The following SDK1 variants were observed in gnomAD, a reference collection of about 807,000 sequenced individuals.
SDK1 encodes sidekick cell adhesion molecule 1.
A neutral mutation model predicts 245.5 loss-of-function variants in SDK1; 157 were observed. The ratio of observed to expected loss-of-function variants is 0.64; its 90% confidence interval spans 0.56 to 0.73. SDK1 has a LOEUF of 0.73. Among genes scored for constraint, SDK1 ranks in the 30% least tolerant of loss-of-function variants. SDK1 has a pLI of 0.00. For synonymous variants in SDK1, 1,647 were observed against 1,278.5 expected (o/e 1.29, Z -6.15); for missense variants, 3,583 against 3,002.3 (o/e 1.19, Z -4.52).
chr7:3,991,816 C>A (rs986033750), intron 14 of SDK1, among the ~76,000 whole-genome samples: 1 of 152,184 alleles, frequency 6.6e-6, no homozygotes. Flanking sequence ...CTGGTTGGTC[C>A]GTGTCTTCCT....
intron 4 of SDK1, among the ~76,000 whole-genome samples, chr7:3,661,170 C>G (rs1039880861): frequency 4.6e-5 from 7 of 152,218 alleles, no homozygotes; most frequent in African/African-American, 1.4e-4. Context: ...AATCCTGTAT[C>G]ACACCAAGTA....
intron 1 of SDK1, among the ~76,000 whole-genome samples, chr7:3,384,567 C>A (rs1329985432): frequency 1.3e-5 from 2 of 150,300 alleles, no homozygotes; most frequent in Non-Finnish European, 3.0e-5. Context: ...ACAGACATTT[C>A]CACTCTTGTT....
intron 5 of SDK1, among the ~76,000 whole-genome samples, chr7:3,850,273 A>G (rs12540101): frequency 0.25 from 37,577 of 152,128 alleles, 5,027 homozygotes; most frequent in Middle Eastern, 0.36. Flanking sequence ...CAGCAATGCT[A>G]TGTATCTCAT....
intron 1 of SDK1, among the ~76,000 whole-genome samples, chr7:3,466,500 T>G (rs962085850): frequency 2.7e-5 from 4 of 148,686 alleles, no homozygotes; most frequent in Non-Finnish European, 3.0e-5. Flanking sequence ...TTGTGTGTTG[T>G]CAGTTGGAGA....
At chr7:3,424,093 G>A (rs919532971) in intron 1 of SDK1, among the ~76,000 whole-genome samples, 2 of 152,034 alleles carry the variant, frequency 1.3e-5, no homozygotes, top group African/African-American at 4.8e-5. Flanking sequence ...TGTATTTTTA[G>A]TAGAGATGGG....
chr7:3,608,626 T>C (rs1198374960), intron 1 of SDK1, among the ~76,000 whole-genome samples: 1 of 143,138 alleles, frequency 7.0e-6, no homozygotes, highest in Non-Finnish European at 1.5e-5. Flanking sequence ...ATTTGTGATA[T>C]TTTTTACATT....
Position 4,077,120 on chromosome 7 carries a change from G to A in SDK1, c.3133G>A (p.Val1045Met), listed in dbSNP as rs767644305. 42 of 1,614,092 alleles carry A rather than the reference G, an allele frequency of 2.6e-5. No individual in the cohort carries two copies. Among genetic ancestry groups the A allele is most frequent in the African/African-American group, 5.3e-5 (4 of 74,930 alleles). Residue 1045 changes from valine to methionine, a missense_variant, in exon 21 of 45, where the codon GTG (valine) becomes ATG (methionine). Physicochemically the swap from Val to Met is conservative, Grantham distance 21. Coordinates refer to ENST00000404826, the MANE Select transcript of SDK1 (RefSeq NM_152744.4). Reference sequence around the variant, plus strand: ...ATCTCTCACCACCTACACCATCGACGTGGCCGCTGTGACTGCCGTGGGCAC... The same window carrying A: ...ATCTCTCACCACCTACACCATCGACATGGCCGCTGTGACTGCCGTGGGCAC... The part of the protein sequence containing the change: ...LSSLTTYTID[V>M]AAVTAVGTGL...
intron 1 of SDK1, among the ~76,000 whole-genome samples, chr7:3,523,405 G>A (rs916236389): frequency 2.6e-5 from 4 of 152,070 alleles, no homozygotes; most frequent in Admixed American, 6.6e-5. Context: ...AGTCTACCAC[G>A]GGTCCAGCGA....
chr7:4,073,050 G>C (rs1050906159), intron 20 of SDK1, among the ~76,000 whole-genome samples: 2 of 152,198 alleles, frequency 1.3e-5, no homozygotes, highest in Non-Finnish European at 2.9e-5. Context: ...ATTTACTTTA[G>C]ATCAACAGAA....
At chr7:4,084,185 C>T (rs958964035) in intron 22 of SDK1, among the ~76,000 whole-genome samples, 2 of 152,212 alleles carry the variant, frequency 1.3e-5, no homozygotes, top group African/African-American at 4.8e-5. Context: ...ATGCTTAATT[C>T]TTTTCCCTTA....
At chr7:3,613,711 A>G (rs1364596603) in intron 1 of SDK1, among the ~76,000 whole-genome samples, 1 of 152,232 alleles carries the variant, frequency 6.6e-6, no homozygotes, top group East Asian at 1.9e-4. Flanking sequence ...AATAGCAATG[A>G]CATGGAATCA....
chr7:3,310,989 T>TACAA (rs1779535780), intron 1 of SDK1, among the ~76,000 whole-genome samples: 2 of 152,154 alleles, frequency 1.3e-5, no homozygotes, highest in Admixed American at 6.5e-5. Context: ...ATGCATCCAG[T>TACAA]AAGTGTTAGG....
chr7:3,758,294 G>A (rs1583382795), intron 4 of SDK1, among the ~76,000 whole-genome samples: 1 of 152,008 alleles, frequency 6.6e-6, no homozygotes, highest in South Asian at 2.1e-4. Flanking sequence ...ATGTTCTAAC[G>A]GTGATTTTTC....
At chr7:3,691,140 T>C (rs1043899926) in intron 4 of SDK1, among the ~76,000 whole-genome samples, 4 of 152,234 alleles carry the variant, frequency 2.6e-5, no homozygotes, top group African/African-American at 4.8e-5. Flanking sequence ...ACACCAATGT[T>C]TCATTCCTTA....
At chr7:3,489,081 G>C (rs552306856) in intron 1 of SDK1, among the ~76,000 whole-genome samples, 30 of 152,112 alleles carry the variant, frequency 2.0e-4, no homozygotes, top group Non-Finnish European at 4.1e-4. Flanking sequence ...GCCAGTCCAG[G>C]CTAGCGATAC....
Position 4,146,947 on chromosome 7 carries a change from T to C in SDK1, c.4423+1031T>C, listed in dbSNP as rs367971205. 2.5e-3 allele frequency among the ~76,000 whole-genome samples: 380 copies of C among 152,308 alleles called. 16 individuals are homozygous for C. The South Asian group carries it at 0.074, about 30-fold the overall frequency. On this transcript the variant is annotated intron_variant, in intron 29 of 44. Coordinates refer to ENST00000404826, the MANE Select transcript of SDK1 (RefSeq NM_152744.4). Reference sequence around the variant, plus strand: ...TCCCCTCTGACACCACGAGGCCGACTCTTCCCATGAAAGTCTATAGTGGGC... The same window carrying C: ...TCCCCTCTGACACCACGAGGCCGACCCTTCCCATGAAAGTCTATAGTGGGC...
intron 17 of SDK1, among the ~76,000 whole-genome samples, chr7:4,034,945 A>G (rs891340986): frequency 2.0e-5 from 3 of 152,232 alleles, no homozygotes; most frequent in African/African-American, 4.8e-5. Context: ...ATTGGCTTTG[A>G]AAGCATGTAA....
rs562973982 is a variant in SDK1 at position 3,611,042 on chromosome 7, C to G, written c.299-8038C>G. The stretch of plus-strand genomic sequence containing the variant: ...GTTTGAAATAAGAGATATATTCTTT[C>G]AATTGTAGCTGCCTTTCATCCTGAA... On this transcript the variant is annotated intron_variant, in intron 1 of 44. Transcript: ENST00000404826. 5.7e-4 allele frequency among the ~76,000 whole-genome samples: 87 copies of G among 152,270 alleles called. 2 individuals carry two copies. Among genetic ancestry groups the G allele is most frequent in the South Asian group, 4.6e-3 (22 of 4,822 alleles).
chr7:4,065,694 GTTTTTTTT>G (rs749991713), intron 19 of SDK1, among the ~76,000 whole-genome samples: 6 of 66,716 alleles, frequency 9.0e-5, no homozygotes, highest in Non-Finnish European at 1.1e-4. Flanking sequence ...AGTGGTTGTT[GTTTTTTTT>G]TTTTTTTTTT....
Sources: gnomAD v4.1 joint callset for allele counts (sites outside exome capture counted in the v4.1 genomes callset) on GRCh38, gnomAD v4.1.1 for gene constraint, MANE v1.5 for transcripts, NCBI Gene and HGNC (gene_info 2026-07-23, HGNC 2026-07-21) for gene names.